The following CHRNA3 variants were observed in gnomAD, a reference collection of about 807,000 sequenced individuals.
CHRNA3 encodes neuronal acetylcholine receptor subunit alpha-3.
In CHRNA3, 34 loss-of-function variants were observed where a neutral mutation model predicts 41.9. The ratio of observed to expected loss-of-function variants is 0.81; its 90% confidence interval spans 0.62 to 1.08. The LOEUF (loss-of-function observed/expected upper bound fraction) is 1.08. Among genes scored for constraint, CHRNA3 ranks in the 50% least tolerant of loss-of-function variants. The pLI, the probability that CHRNA3 is intolerant of heterozygous loss-of-function variation, is 0.00. For missense variants in CHRNA3, 542 were observed against 638.3 expected (o/e 0.85, Z 1.63); for synonymous variants, 281 against 265.2 (o/e 1.06, Z -0.58).
downstream of CHRNA3, chr15:78,595,233 G>C (rs1236438613): frequency 1.1e-6 from 1 of 944,032 alleles, no homozygotes; most frequent in African/African-American, 1.8e-5. Flanking sequence ...TACCATTACT[G>C]TTACTTATGA....
downstream of CHRNA3, chr15:78,593,219 T>TA (rs2053040305): frequency 6.2e-7 from 1 of 1,612,714 alleles, no homozygotes; most frequent in African/African-American, 1.3e-5. Context: ...GCAAATATAT[T>TA]AATACCAGTT....
rs1465993393 is a variant in CHRNA3 at position 78,601,781 on chromosome 15, G to C, written c.861C>G (p.Leu287=). 6.2e-7 allele frequency: 1 copy of C among 1,614,012 alleles called. No individual in the cohort carries two copies. The change falls in exon 5 of 6, where the codon CTC becomes CTG. Residue 287 remains leucine, a synonymous_variant. Transcript: ENST00000326828. ...AAGGGATGGTCTCAGTGATCACCAG[G>C]AGAAACACCGTCAGGGAGAGGAGGA... ...ISVLLSLTVF[L]LVITETIPST... is the part of the protein sequence containing the mutation.
At chr15:78,602,321 G>A in intron 4 of CHRNA3, 57 bp from the exon 5 acceptor site, 12 of 1,542,174 alleles carry the variant, frequency 7.8e-6, no homozygotes, top group Non-Finnish European at 1.1e-5. Context: ...TGGTCATATT[G>A]TGGTCATCTC....
At chr15:78,598,890 G>C (rs930788360) in intron 5 of CHRNA3, among the ~76,000 whole-genome samples, 2 of 142,966 alleles carry the variant, frequency 1.4e-5, no homozygotes, top group Non-Finnish European at 3.0e-5. Context: ...CTGGAGTCCA[G>C]TGGTGTGATC....
chr15:78,618,567 TA>T, intron 3 of CHRNA3, 49 bp downstream of exon 3: 1 of 1,610,446 alleles, frequency 6.2e-7, no homozygotes, highest in Non-Finnish European at 8.5e-7. Context: ...CTAAAGCAAA[TA>T]AAACAGTCAC....
rs149559299 is a variant in CHRNA3, at chr15:78,601,929, C to T, written c.713G>A (p.Arg238Gln). 31 of 1,610,012 alleles carry T rather than the reference C, an allele frequency of 1.9e-5. No homozygotes were observed. The highest frequency in any genetic ancestry group is 7.7e-5 in the South Asian group (7 of 90,826). The part of the protein sequence containing the change: ...YPDITYSLYI[R>Q]RLPLFYTINL... ...GATGGTGTAGAACAAGGGCAGGCGCCGGATGTACAGCGAGTATGTGATGTC... is the reference window on the plus strand; with the variant it reads ...GATGGTGTAGAACAAGGGCAGGCGCTGGATGTACAGCGAGTATGTGATGTC... Residue 238 changes from arginine (R) to glutamine (Q), a missense_variant, in exon 5 of 6, where the codon CGG becomes CAG. Arg to Gln is a conservative substitution (Grantham distance 43). Coordinates refer to ENST00000326828, the MANE Select transcript of CHRNA3 (RefSeq NM_000743.5).
rs989186839 is a variant in CHRNA3 at position 78,618,746 on chromosome 15, T to C, written c.222+30A>G. The C allele has an allele frequency of 3.1e-6, 5 of 1,614,022 alleles. No individual in the cohort carries two copies. The South Asian group carries it at 3.3e-5, about 11-fold the overall frequency. On this transcript the variant is annotated intron_variant, in intron 2 of 5. Coordinates refer to ENST00000326828, the MANE Select transcript of CHRNA3 (RefSeq NM_000743.5). ...GCTCCTCCAGAAGCCCCGGTCCCCA[T>C]GGCCACGGCTCGTGGCTTCCAGCAC...
downstream of CHRNA3, chr15:78,595,261 T>A (rs1455665374): frequency 1.0e-6 from 1 of 982,974 alleles, no homozygotes; most frequent in African/African-American, 1.7e-5. Flanking sequence ...ATATAAATTT[T>A]TATCGACATC....
At chr15:78,619,012 A>C in intron 1 of CHRNA3, 97 bp from the exon 2 acceptor site, 3 of 1,334,812 alleles carry the variant, frequency 2.2e-6, no homozygotes, top group Non-Finnish European at 3.1e-6. Context: ...CATCCCCTCC[A>C]CCTGTGGGGG....
chr15:78,606,654 G>A (rs1386238951), intron 4 of CHRNA3, among the ~76,000 whole-genome samples: 1 of 152,040 alleles, frequency 6.6e-6, no homozygotes, highest in Non-Finnish European at 1.5e-5. Context: ...CCAGCACTTT[G>A]GGAGGCCGAG....
At position 78,601,737 on chromosome 15, in the gene CHRNA3, G is replaced by A; in HGVS notation, c.905C>T (p.Pro302Leu). ...ETIPSTSLVIPLIGEYLLFTM... is the reference protein window; with the variant it reads ...ETIPSTSLVILLIGEYLLFTM... Reference sequence around the variant, plus strand: ...GAACAGGAGGTACTCTCCAATCAGGGGGATGACCAGCGAGGTGGAAGGGAT... The same window carrying A: ...GAACAGGAGGTACTCTCCAATCAGGAGGATGACCAGCGAGGTGGAAGGGAT... The change falls in exon 5 of 6, where the codon CCC becomes CTC. Residue 302 changes from proline (P) to leucine (L), a missense_variant. Transcript: ENST00000326828. 1 of 1,614,130 alleles carries A rather than the reference G, an allele frequency of 6.2e-7. No homozygotes were observed. Among genetic ancestry groups the A allele is most frequent in the Non-Finnish European group, 8.5e-7 (1 of 1,180,020 alleles).
intron 4 of CHRNA3, among the ~76,000 whole-genome samples, chr15:78,604,567 A>C (rs1349864229): frequency 6.6e-6 from 1 of 152,178 alleles, no homozygotes; most frequent in Non-Finnish European, 1.5e-5. Flanking sequence ...CCCAGATCAG[A>C]AGGCCTGTGT....
At chr15:78,619,594 G>A (rs994730319) in intron 1 of CHRNA3, 1 of 152,574 alleles carries the variant, frequency 6.6e-6, no homozygotes, top group Non-Finnish European at 1.5e-5. Context: ...AGAAGCCAAG[G>A]CACTGTGTGA....
Position 78,595,345 on chromosome 15 carries a change from CTAG to C in CHRNA3, c.*1256_*1258del, listed in dbSNP as rs1274853239. 3 of 965,662 alleles carry C rather than the reference CTAG, an allele frequency of 3.1e-6. No individual in the cohort carries two copies. In the African/African-American group the frequency reaches 6.0e-5, roughly 19 times the overall value. 59.8% of individuals were successfully genotyped at this position (965,662 alleles called of 1,614,324 possible). On this transcript the variant is annotated 3_prime_UTR_variant, in exon 6 of 6. Coordinates refer to ENST00000326828, the MANE Select transcript of CHRNA3 (RefSeq NM_000743.5). ...CCATTTTATTTTTGCACAGGAAAAA[CTAG>C]TGAGACAAGATTCAAACAGTCTCTG...
intron 1 of CHRNA3, 31 bp from the exon 2 acceptor site, chr15:78,618,946 GA>G (rs1222757220): frequency 1.2e-6 from 2 of 1,609,886 alleles, no homozygotes; most frequent in African/African-American, 2.7e-5. Context: ...AGTCCCTGGG[GA>G]AATCGTTACT....
Position 78,617,135 on chromosome 15 carries a change from T to TCGGGGAAGGAAG in CHRNA3, c.268-14_268-3dup. On this transcript the variant is annotated splice_polypyrimidine_tract_variant and splice_region_variant and intron_variant, in intron 3 of 5. Coordinates refer to ENST00000326828, the MANE Select transcript of CHRNA3 (RefSeq NM_000743.5). Reference sequence around the variant, plus strand: ...TTTCAGCTTGTAGTCATTCCAGATCTCGGGGAAGGAAGCAGGGAGGGAGAA... The same window carrying TCGGGGAAGGAAG: ...TTTCAGCTTGTAGTCATTCCAGATCTCGGGGAAGGAAGCGGGGAAGGAAGCAGGGAGGGAGAA... The TCGGGGAAGGAAG allele has an allele frequency of 6.3e-7, 1 of 1,599,258 alleles. No individual in the cohort carries two copies.
At chr15:78,597,073 T>C (rs182762441) in intron 5 of CHRNA3, among the ~76,000 whole-genome samples, 1 of 152,362 alleles carries the variant, frequency 6.6e-6, no homozygotes, top group East Asian at 1.9e-4. Flanking sequence ...TTCTGGGCCT[T>C]GGTTAGAATG....
intron 1 of CHRNA3, chr15:78,620,382 C>CGACGGGCAGCGCGGGGCAGGGT: frequency 5.8e-6 from 2 of 346,450 alleles, no homozygotes; most frequent in Non-Finnish European, 1.0e-5. Context: ...CGGGGCAGGG[C>CGACGGGCAGCGCGGGGCAGGGT]GACGGGCAGC....
chr15:78,609,539 A>G (rs190786184), intron 4 of CHRNA3, among the ~76,000 whole-genome samples: 8 of 152,276 alleles, frequency 5.3e-5, no homozygotes, highest in South Asian at 4.1e-4. Context: ...GAGAGATTTT[A>G]TCACCACCAG....
Sources: allele counts gnomAD v4.1 joint callset (sites outside exome capture counted in the v4.1 genomes callset), GRCh38; gene constraint gnomAD v4.1.1; transcripts MANE v1.5; gene names NCBI Gene and HGNC (gene_info 2026-07-23, HGNC 2026-07-21).